LRBA: variants seen among roughly 807,000 people sequenced by gnomAD.
LRBA encodes the protein LPS responsive beige-like anchor protein, also known as lipopolysaccharide-responsive and beige-like anchor protein.
In LRBA, 176 loss-of-function variants were observed where a neutral mutation model predicts 330.0. The observed-to-expected ratio is 0.53, with a 90% confidence interval of 0.47 to 0.60. The LOEUF is 0.60. Ranked by LOEUF, LRBA falls within the 20% of genes least tolerant of loss-of-function variation. The probability of loss-of-function intolerance (pLI) is 0.00; values close to 1 mark genes in which losing one functional copy is unlikely to be tolerated. For synonymous variants in LRBA, 1,230 were observed against 1,193.0 expected, an observed-to-expected ratio of 1.03 and a Z score of -0.64; for missense variants, 3,259 against 3,444.8, an observed-to-expected ratio of 0.95 and a Z score of 1.35.
chr4:150,767,470 C>T (rs1735907663), intron 34 of LRBA, among the ~76,000 whole-genome samples: 1 of 152,022 alleles, frequency 6.6e-6, no homozygotes, highest in Admixed American at 6.6e-5. Flanking sequence ...AGATCTTTAA[C>T]ATAACTTTTA....
intron 40 of LRBA, among the ~76,000 whole-genome samples, chr4:150,508,804 CAA>C (rs1338312686): frequency 6.6e-6 from 1 of 152,090 alleles, no homozygotes; most frequent in Admixed American, 6.5e-5. Context: ...ATTAATAAAA[CAA>C]GAAGATTGAA....
chr4:150,579,842 G>A (rs1195518170), intron 40 of LRBA: 8 of 393,800 alleles, frequency 2.0e-5, no homozygotes, highest in African/African-American at 1.5e-4. Context: ...GTCGCGGGCC[G>A]GGCCATTCGC....
chr4:150,503,830 G>A (rs1356757187), intron 40 of LRBA, among the ~76,000 whole-genome samples: 1 of 152,106 alleles, frequency 6.6e-6, no homozygotes, highest in Non-Finnish European at 1.5e-5. Flanking sequence ...TGGCAAAGAA[G>A]TTAAAAACTT....
At chr4:150,840,904 CA>C in intron 28 of LRBA, 2 of 1,063,252 alleles carry the variant, frequency 1.9e-6, no homozygotes, top group South Asian at 1.8e-5. Context: ...TACTTAATGT[CA>C]AAAATTTTGG....
intron 37 of LRBA, among the ~76,000 whole-genome samples, chr4:150,634,120 T>A (rs1581871541): frequency 6.6e-6 from 1 of 152,188 alleles, no homozygotes. Flanking sequence ...CATCTCTGAA[T>A]GGAGTTTTCC....
At chr4:150,420,293 A>ACACATTGTAGTATAAAGTATATATAATG (rs1748466662) in intron 46 of LRBA, among the ~76,000 whole-genome samples, 2 of 113,014 alleles carry the variant, frequency 1.8e-5, no homozygotes, top group Non-Finnish European at 3.8e-5. Context: ...TATATATAAT[A>ACACATTGTAGTATAAAGTATATATAATG]CACATTATAG....
At chr4:150,601,136 C>T (rs1484434986) in intron 37 of LRBA, among the ~76,000 whole-genome samples, 1 of 152,204 alleles carries the variant, frequency 6.6e-6, no homozygotes, top group Non-Finnish European at 1.5e-5. Flanking sequence ...ATTTGTTAAC[C>T]TTTTCTGCCA....
chr4:150,679,770 C>T (rs868295259), intron 37 of LRBA: 3 of 152,096 alleles, frequency 2.0e-5, no homozygotes, highest in South Asian at 2.1e-4. Flanking sequence ...TATGAGGTTC[C>T]GTTAAAAATT....
chr4:150,565,197 C>G (rs1445124366), intron 40 of LRBA, among the ~76,000 whole-genome samples: 1 of 152,170 alleles, frequency 6.6e-6, no homozygotes. Context: ...GAGTTCATGT[C>G]TTTTGCCAGG....
intron 2 of LRBA, among the ~76,000 whole-genome samples, chr4:150,929,825 ATT>A (rs1009345574): frequency 1.3e-5 from 2 of 152,106 alleles, no homozygotes; most frequent in South Asian, 4.1e-4. Flanking sequence ...TTAAATTTAA[ATT>A]TTTTTAATTT....
chr4:150,341,602 C>T (rs1477714954), intron 48 of LRBA, among the ~76,000 whole-genome samples: 1 of 152,064 alleles, frequency 6.6e-6, no homozygotes, highest in Non-Finnish European at 1.5e-5. Flanking sequence ...ACTGACTTAA[C>T]TCAAATTTCT....
At chr4:150,443,485 G>C (rs1752109266) in intron 44 of LRBA, among the ~76,000 whole-genome samples, 1 of 152,020 alleles carries the variant, frequency 6.6e-6, no homozygotes, top group African/African-American at 2.4e-5. Context: ...TAAAAAATGT[G>C]GCATATATAC....
In LRBA at chr4:150,375,544, G is replaced by A. The variant is rs184719347; in HGVS notation, c.7195-25385C>T. 2.1e-3 allele frequency among the ~76,000 whole-genome samples: 316 copies of A among 151,742 alleles called. 1 individual carries two copies. The highest frequency in any genetic ancestry group is 3.4e-3 in the Middle Eastern group (1 of 294). On this transcript the variant is annotated intron_variant, in intron 47 of 56. Transcript: ENST00000651943. ...ATGATGTCGGCTCACTGCAAACTCC[G>A]CCTCCCGAGTTCAAGTGGATTCTCC...
At chr4:150,720,501 C>T (rs917715577) in intron 36 of LRBA, among the ~76,000 whole-genome samples, 1 of 151,428 alleles carries the variant, frequency 6.6e-6, no homozygotes, top group Non-Finnish European at 1.5e-5. Flanking sequence ...AATAAATATC[C>T]CGGACAAAAT....
At chr4:150,389,269 G>T (rs2151904877) in intron 47 of LRBA, among the ~76,000 whole-genome samples, 2 of 152,230 alleles carry the variant, frequency 1.3e-5, no homozygotes, top group South Asian at 2.1e-4. Flanking sequence ...TGGGAGGATT[G>T]CTTGAGCCCA....
chr4:150,852,679 T>C lies in LRBA; in HGVS notation c.3031A>G (p.Thr1011Ala). Reference protein sequence around the residue: ...LESASNIELQTTNTSYEEMKA... With the variant: ...LESASNIELQATNTSYEEMKA... Reference sequence around the variant, plus strand: ...ATTTCTTCATAAGATGTATTAGTAGTTTGCAGTTCAATATTAGATGCAGAT... The same window carrying C: ...ATTTCTTCATAAGATGTATTAGTAGCTTGCAGTTCAATATTAGATGCAGAT... Residue 1011 changes from threonine to alanine, a missense_variant, in exon 23 of 57, where the codon ACT (threonine) becomes GCT (alanine). Thr to Ala is a moderately conservative substitution (Grantham distance 58, BLOSUM62 0). Transcript: ENST00000651943. 6.2e-7 allele frequency: 1 copy of C among 1,614,092 alleles called. No homozygotes were observed. Among genetic ancestry groups the C allele is most frequent in the Non-Finnish European group, 8.5e-7 (1 of 1,179,974 alleles).
At chr4:150,590,165 T>C (rs539882120) in intron 39 of LRBA, among the ~76,000 whole-genome samples, 29 of 152,246 alleles carry the variant, frequency 1.9e-4, no homozygotes, top group African/African-American at 6.7e-4. Flanking sequence ...AACAAGAGAA[T>C]TTTTCCCATA....
intron 30 of LRBA, among the ~76,000 whole-genome samples, chr4:150,827,008 T>G (rs1044609581): frequency 1.3e-5 from 2 of 152,194 alleles, no homozygotes; most frequent in African/African-American, 4.8e-5. Flanking sequence ...CATGAGAGAC[T>G]ATAGATATGA....
chr4:150,901,287 C>G (rs979558144), intron 13 of LRBA, among the ~76,000 whole-genome samples: 1 of 123,658 alleles, frequency 8.1e-6, no homozygotes, highest in Non-Finnish European at 1.9e-5. Flanking sequence ...CAACAGAGAC[C>G]CTGCCTCAAA....
Sources: gnomAD v4.1 joint callset for allele counts (sites outside exome capture counted in the v4.1 genomes callset) on GRCh38, gnomAD v4.1.1 for gene constraint, MANE v1.5 for transcripts, NCBI Gene and HGNC (gene_info 2026-07-23, HGNC 2026-07-21) for gene names.